The following STARD13 variants were observed in gnomAD, a reference collection of about 807,000 sequenced individuals.
STARD13 encodes StAR related lipid transfer domain containing 13.
STARD13 carries 62 observed loss-of-function variants against 106.4 expected under a neutral mutation model. The observed-to-expected ratio is 0.58, with a 90% confidence interval of 0.48 to 0.72. The LOEUF (loss-of-function observed/expected upper bound fraction) is 0.72, where lower values mean the gene tolerates loss of function less well. Among genes scored for constraint, STARD13 ranks in the 30% least tolerant of loss-of-function variants. The pLI, the probability that STARD13 is intolerant of heterozygous loss-of-function variation, is 0.00. For missense variants in STARD13, 1,387 were observed against 1,424.0 expected, an observed-to-expected ratio of 0.97 and a Z score of 0.42; for synonymous variants, 565 against 553.0, an observed-to-expected ratio of 1.02 and a Z score of -0.31.
chr13:33,465,205 T>C, the STARD13 span, among the ~76,000 whole-genome samples: 400 of 69,604 alleles, frequency 5.7e-3, 1 homozygote, highest in Admixed American at 0.018. Context: ...CTTCTTCTTT[T>C]TTTTTTTTTT....
chr13:33,652,626 T>C, the STARD13 span, among the ~76,000 whole-genome samples: 1 of 152,274 alleles, frequency 6.6e-6, no homozygotes, highest in East Asian at 1.9e-4. Context: ...AGCACAAAAA[T>C]ATTTTCATTA....
At chr13:33,604,638 A>G in the STARD13 span, among the ~76,000 whole-genome samples, 1 of 152,100 alleles carries the variant, frequency 6.6e-6, no homozygotes, top group Non-Finnish European at 1.5e-5. Context: ...CTTTACTAAA[A>G]AAATACAAAT....
intron 1 of STARD13, chr13:33,281,700 T>C (rs2138401270): frequency 6.6e-6 from 1 of 152,334 alleles, no homozygotes; most frequent in Middle Eastern, 3.4e-3. Flanking sequence ...AAAGACATTG[T>C]ACAAAGTGAA....
chr13:33,181,405 T>G (rs9536642), intron 1 of STARD13, among the ~76,000 whole-genome samples: 36,331 of 152,144 alleles, frequency 0.24, 5,093 homozygotes, highest in South Asian at 0.38. Flanking sequence ...CAGGTACACA[T>G]TACCAGATTG....
At chr13:33,329,894 C>T (rs1042067273) in intron 1 of STARD13, among the ~76,000 whole-genome samples, 3 of 151,760 alleles carry the variant, frequency 2.0e-5, no homozygotes, top group Admixed American at 1.3e-4. Context: ...AGTAGAGACA[C>T]GGTTTCACCA....
At chr13:33,478,603 C>T in the STARD13 span, among the ~76,000 whole-genome samples, 28 of 152,056 alleles carry the variant, frequency 1.8e-4, no homozygotes, top group Non-Finnish European at 3.4e-4. Context: ...TTTCTACCAT[C>T]ACCCACTTAA....
chr13:33,590,969 A>G, the STARD13 span, among the ~76,000 whole-genome samples: 2 of 152,190 alleles, frequency 1.3e-5, no homozygotes, highest in Non-Finnish European at 2.9e-5. Flanking sequence ...TCGTACTTGT[A>G]TAACAGAGCA....
intron 1 of STARD13, among the ~76,000 whole-genome samples, chr13:33,219,132 A>G (rs1445870040): frequency 2.0e-5 from 3 of 152,194 alleles, no homozygotes; most frequent in African/African-American, 7.2e-5. Context: ...CAGAATAAAT[A>G]AATAAAAGTA....
At chr13:33,417,350 G>T in the STARD13 span, among the ~76,000 whole-genome samples, 1 of 152,186 alleles carries the variant, frequency 6.6e-6, no homozygotes, top group Non-Finnish European at 1.5e-5. Flanking sequence ...AATTACCACA[G>T]GGCCCAGCAT....
At chr13:33,663,557 A>G in the STARD13 span, among the ~76,000 whole-genome samples, 7 of 152,242 alleles carry the variant, frequency 4.6e-5, no homozygotes, top group African/African-American at 1.7e-4. Context: ...AGTGCAAATT[A>G]TATTTAGTTT....
upstream of STARD13, among the ~76,000 whole-genome samples, chr13:33,286,519 CA>C (rs1892066618): frequency 6.6e-6 from 1 of 152,138 alleles, no homozygotes. Context: ...GCAGAAGTTG[CA>C]AAGGTACTTC....
At chr13:33,303,767 A>AG (rs1566128146) in intron 1 of STARD13, among the ~76,000 whole-genome samples, 1 of 152,196 alleles carries the variant, frequency 6.6e-6, no homozygotes, top group African/African-American at 2.4e-5. Context: ...ACACTCAGTG[A>AG]GAAGGTCTTA....
chr13:33,111,530 A>G (rs7332856), intron 10 of STARD13, among the ~76,000 whole-genome samples: 4,433 of 152,338 alleles, frequency 0.029, 230 homozygotes, highest in African/African-American at 0.1. Context: ...CTTGAACCTG[A>G]TAATGGCAGG....
chr13:33,338,885 A>C (rs1218529511), intron 1 of STARD13, among the ~76,000 whole-genome samples: 1 of 116,174 alleles, frequency 8.6e-6, no homozygotes, highest in Non-Finnish European at 1.6e-5. Flanking sequence ...ACTCCGTCTC[A>C]AAAAAAAAAA....
intron 5 of STARD13, among the ~76,000 whole-genome samples, chr13:33,128,456 G>A (rs1877579681): frequency 6.6e-6 from 1 of 152,100 alleles, no homozygotes; most frequent in Non-Finnish European, 1.5e-5. Context: ...GATGTACTTT[G>A]TAATTGGCAC....
At chr13:33,517,979 G>C in the STARD13 span, among the ~76,000 whole-genome samples, 1 of 151,918 alleles carries the variant, frequency 6.6e-6, no homozygotes, top group African/African-American at 2.4e-5. Context: ...CTGCTTCTGG[G>C]ACTCATTATT....
intron 12 of STARD13, among the ~76,000 whole-genome samples, chr13:33,108,432 G>C (rs568952077): frequency 2.0e-5 from 3 of 152,012 alleles, no homozygotes; most frequent in Non-Finnish European, 4.4e-5. Flanking sequence ...ATCAAAATCA[G>C]TGCAGCAAGA....
intron 3 of STARD13, among the ~76,000 whole-genome samples, chr13:33,149,870 G>C (rs74566747): frequency 6.6e-6 from 1 of 152,152 alleles, no homozygotes; most frequent in Non-Finnish European, 1.5e-5. Context: ...AAGCCAATCT[G>C]CATTTAGGAC....
At chr13:33,124,941 G>A (rs1593894590) in intron 7 of STARD13, among the ~76,000 whole-genome samples, 2 of 152,236 alleles carry the variant, frequency 1.3e-5, no homozygotes, top group Middle Eastern at 3.4e-3. Context: ...CACCCTCTGC[G>A]ATGACATACA....
Sources: allele counts gnomAD v4.1 joint callset (sites outside exome capture counted in the v4.1 genomes callset), GRCh38; gene constraint gnomAD v4.1.1; transcripts MANE v1.5; gene names NCBI Gene and HGNC (gene_info 2026-07-23, HGNC 2026-07-21).